The following HIRA variants were observed in gnomAD, a reference collection of about 807,000 sequenced individuals.
The protein encoded by HIRA is histone cell cycle regulator.
In HIRA, 13 loss-of-function variants were observed where a neutral mutation model predicts 126.6. That is an observed-to-expected ratio of 0.10 (90% CI 0.07 to 0.16). The LOEUF (loss-of-function observed/expected upper bound fraction) is 0.16, where lower values mean the gene tolerates loss of function less well. HIRA is among the 10% of genes least tolerant of loss of function. The probability of loss-of-function intolerance (pLI) is 1.00; values close to 1 mark genes in which losing one functional copy is unlikely to be tolerated. For missense variants in HIRA, 834 were observed against 1,314.4 expected (o/e 0.63, Z 5.65); for synonymous variants, 511 against 520.0 (o/e 0.98, Z 0.24).
intron 1 of HIRA, among the ~76,000 whole-genome samples, chr22:19,421,454 T>C (rs866481795): frequency 2.6e-5 from 4 of 152,244 alleles, no homozygotes; most frequent in Non-Finnish European, 4.4e-5. Flanking sequence ...CAGACACTTG[T>C]ATAATGTGCA....
At chr22:19,346,899 T>A (rs1218098886) in intron 24 of HIRA, among the ~76,000 whole-genome samples, 1 of 152,148 alleles carries the variant, frequency 6.6e-6, no homozygotes, top group Non-Finnish European at 1.5e-5. Context: ...GTGTCCTGTT[T>A]GGAGTTGGTA....
chr22:19,407,668 T>A (rs539230904), intron 3 of HIRA, among the ~76,000 whole-genome samples: 1 of 152,232 alleles, frequency 6.6e-6, no homozygotes, highest in Non-Finnish European at 1.5e-5. Flanking sequence ...AAGGGTCAGA[T>A]GCTTTTTCTA....
At chr22:19,352,003 G>A (rs1223155562) in intron 23 of HIRA, among the ~76,000 whole-genome samples, 3 of 152,034 alleles carry the variant, frequency 2.0e-5, no homozygotes, top group African/African-American at 7.3e-5. Flanking sequence ...CAGCACTTGG[G>A]GCAGCTAAAG....
chr22:19,414,153 A>T (rs1402171361), intron 1 of HIRA, among the ~76,000 whole-genome samples: 1 of 152,196 alleles, frequency 6.6e-6, no homozygotes, highest in Non-Finnish European at 1.5e-5. Flanking sequence ...CCCAGATCAG[A>T]ATGTTGTCCC....
chr22:19,421,854 T>G (rs951770915), intron 1 of HIRA, among the ~76,000 whole-genome samples: 1 of 152,166 alleles, frequency 6.6e-6, no homozygotes, highest in Non-Finnish European at 1.5e-5. Flanking sequence ...GTATTTTTAG[T>G]AGAGACGCAT....
chr22:19,410,650 G>T, intron 2 of HIRA, 66 bp downstream of exon 2: 1 of 1,146,022 alleles, frequency 8.7e-7, no homozygotes, highest in Admixed American at 1.8e-5. Flanking sequence ...CAGCTAAATG[G>T]ACAGCAGGAG....
intron 17 of HIRA, 56 bp downstream of exon 17, chr22:19,361,181 G>T: frequency 7.7e-7 from 1 of 1,290,820 alleles, no homozygotes; most frequent in Non-Finnish European, 1.1e-6. Flanking sequence ...ATGCAGTAGG[G>T]GACAGAGAAT....
In HIRA at chr22:19,385,541, T is replaced by C; in HGVS notation, c.1309A>G (p.Ser437Gly). The change falls in exon 12 of 25, where the codon AGT (serine) becomes GGT (glycine). Residue 437 changes from serine (S) to glycine (G), a missense_variant. Coordinates refer to ENST00000263208, the MANE Select transcript of HIRA (RefSeq NM_003325.4). ...CTCACCTTCCTGATATCTTCAAGAC[T>C]CTCCCCGTTGACAACGCCTGCGACT... ...TSVAGVVNGESLEDIRKNLLK... is the reference protein window; with the variant it reads ...TSVAGVVNGEGLEDIRKNLLK... 6.2e-7 allele frequency: 1 copy of C among 1,614,016 alleles called. No homozygotes were observed. Among genetic ancestry groups the C allele is most frequent in the African/African-American group, 1.3e-5 (1 of 75,036 alleles).
rs139972773 is a variant in HIRA at position 19,390,455 on chromosome 22, T to C, written c.936+1646A>G. ...TAAAATTACAAAAAAATTAACCGGGTGTGGTGGCCTGTAATCCCAGCTATT... is the reference window on the plus strand; with the variant it reads ...TAAAATTACAAAAAAATTAACCGGGCGTGGTGGCCTGTAATCCCAGCTATT... On this transcript the variant is annotated intron_variant, in intron 9 of 24. Coordinates refer to ENST00000263208, the MANE Select transcript of HIRA (RefSeq NM_003325.4). 3.5e-3 allele frequency among the ~76,000 whole-genome samples: 520 copies of C among 148,942 alleles called. 3 individuals carry two copies. Among genetic ancestry groups the C allele is most frequent in the African/African-American group, 0.012 (486 of 40,676 alleles).
At position 19,405,793 on chromosome 22, in the gene HIRA, A is replaced by G. The variant is rs750673045; in HGVS notation, c.390T>C (p.His130=). Residue 130 remains histidine, a synonymous_variant, in exon 5 of 25, where the codon CAT becomes CAC. Coordinates refer to ENST00000263208, the MANE Select transcript of HIRA (RefSeq NM_003325.4). ...QWRCVSILRN[H]SGDVMDVAWS... ...ACAGGCAGTCCCACTCACCGCCTGA[A>G]TGATTCCGGAGGATAGAGACACACC... is the stretch of plus-strand genomic sequence containing the variant. The G allele has an allele frequency of 4.1e-6, 6 of 1,456,182 alleles. No individual in the cohort carries two copies. Among genetic ancestry groups the G allele is most frequent in the Non-Finnish European group, 5.5e-6 (6 of 1,095,814 alleles). 90.2% of individuals were successfully genotyped at this position (1,456,182 alleles called of 1,614,324 possible).
intron 1 of HIRA, 116 bp downstream of exon 1, chr22:19,431,324 G>C: frequency 8.3e-7 from 1 of 1,199,722 alleles, no homozygotes; most frequent in Middle Eastern, 2.0e-4. Flanking sequence ...CTTGGCTTGG[G>C]CACCGGGTAC....
chr22:19,428,978 G>C (rs1182521384), intron 1 of HIRA, among the ~76,000 whole-genome samples: 2 of 151,990 alleles, frequency 1.3e-5, no homozygotes, highest in Non-Finnish European at 2.9e-5. Context: ...AGGCCTGCTC[G>C]GTAGTGATTC....
chr22:19,423,258 T>G (rs1253156279), intron 1 of HIRA, among the ~76,000 whole-genome samples: 2 of 152,120 alleles, frequency 1.3e-5, no homozygotes, highest in South Asian at 4.1e-4. Context: ...CTGCTGTTTC[T>G]CCAATTCACA....
chr22:19,385,036 C>T (rs569610939), intron 12 of HIRA, among the ~76,000 whole-genome samples: 2 of 152,104 alleles, frequency 1.3e-5, no homozygotes, highest in African/African-American at 2.4e-5. Flanking sequence ...TTCTCTCATA[C>T]TTTATATCTG....
chr22:19,361,484 A>C, intron 16 of HIRA, 143 bp from the exon 17 acceptor site: 1 of 785,288 alleles, frequency 1.3e-6, no homozygotes, highest in Non-Finnish European at 2.1e-6. Flanking sequence ...GGAATGCTAC[A>C]AGGATCCTAA....
At chr22:19,383,903 C>T (rs2089099504) in intron 12 of HIRA, among the ~76,000 whole-genome samples, 198 bp from the exon 13 acceptor site, 1 of 152,126 alleles carries the variant, frequency 6.6e-6, no homozygotes, top group Admixed American at 6.5e-5. Flanking sequence ...AGGACTTATT[C>T]ATCTTCTATA....
intron 20 of HIRA, 88 bp from the exon 21 acceptor site, chr22:19,355,953 T>C: frequency 2.2e-6 from 2 of 916,984 alleles, no homozygotes. Flanking sequence ...TACTCTAGGC[T>C]CCCACAGTCC....
chr22:19,363,318 T>C (rs2088882733), intron 15 of HIRA, among the ~76,000 whole-genome samples: 1 of 151,610 alleles, frequency 6.6e-6, no homozygotes. Context: ...AAAGACAGAT[T>C]AATAGTAGGT....
chr22:19,363,759 G>A (rs1276711239), intron 15 of HIRA, among the ~76,000 whole-genome samples: 1 of 152,150 alleles, frequency 6.6e-6, no homozygotes, highest in Non-Finnish European at 1.5e-5. Context: ...TTAGCCACGT[G>A]TGGTGGCATA....
Sources: gnomAD v4.1 joint callset for allele counts (sites outside exome capture counted in the v4.1 genomes callset) on GRCh38, gnomAD v4.1.1 for gene constraint, MANE v1.5 for transcripts, NCBI Gene and HGNC (gene_info 2026-07-23, HGNC 2026-07-21) for gene names.